Variants in SNX4 observed in about 807,000 individuals in gnomAD.
SNX4 encodes sorting nexin 4, also known as sorting nexin-4.
A neutral mutation model predicts 70.8 loss-of-function variants in SNX4; 49 were observed. That is an observed-to-expected ratio of 0.69 (90% confidence interval 0.55 to 0.88). The LOEUF (loss-of-function observed/expected upper bound fraction) is 0.88. SNX4 is among the 40% of genes least tolerant of loss of function. The pLI is 0.00. For missense variants in SNX4, 528 were observed against 544.8 expected (o/e 0.97, Z 0.31); for synonymous variants, 206 against 183.8 (o/e 1.12, Z -0.98).
chr3:125,499,785 G>T (rs903176735), intron 2 of SNX4, among the ~76,000 whole-genome samples: 1 of 146,246 alleles, frequency 6.8e-6, no homozygotes, highest in African/African-American at 2.5e-5. Context: ...AAAAAAAAAC[G>T]CGGTTGGATG....
chr3:125,497,125 G>C (rs998515629), intron 5 of SNX4, among the ~76,000 whole-genome samples: 1 of 149,530 alleles, frequency 6.7e-6, no homozygotes, highest in Non-Finnish European at 1.5e-5. Context: ...TTCTTTCCCT[G>C]TAGAATAAAT....
At chr3:125,464,052 A>G (rs1280950202) in intron 9 of SNX4, among the ~76,000 whole-genome samples, 3 of 152,174 alleles carry the variant, frequency 2.0e-5, no homozygotes, top group Non-Finnish European at 4.4e-5. Context: ...AATTTATATT[A>G]AAATTTTAAA....
Position 125,480,277 on chromosome 3 carries a change from A to T in SNX4, c.696T>A (p.Ser232=), listed in dbSNP as rs1201090676. 6.4e-7 allele frequency: 1 copy of T among 1,570,112 alleles called. No individual in the cohort carries two copies. The highest frequency in any genetic ancestry group is 8.7e-7 in the Non-Finnish European group (1 of 1,155,828). ...DLKHYSDELQ[S]VISHLLRVRA... The stretch of plus-strand genomic sequence containing the variant: ...TGACTCGAAGAAGATGTGAGATGAC[A>T]GACTGCAGTTCATCACTATAGTGCT... Residue 232 remains serine, a synonymous_variant, in exon 7 of 14, where the codon TCT becomes TCA. Transcript: ENST00000251775.
intron 6 of SNX4, among the ~76,000 whole-genome samples, chr3:125,484,936 G>C (rs1934488406): frequency 6.6e-6 from 1 of 151,984 alleles, no homozygotes; most frequent in Non-Finnish European, 1.5e-5. Context: ...CGTGGTGGTG[G>C]GCGCCTGTAA....
At chr3:125,493,588 A>C (rs1934709768) in intron 5 of SNX4, among the ~76,000 whole-genome samples, 1 of 149,808 alleles carries the variant, frequency 6.7e-6, no homozygotes, top group Non-Finnish European at 1.5e-5. Context: ...GGGGAGGTGG[A>C]GCTTGCAGTG....
At chr3:125,513,445 T>G (rs1461970710) in intron 1 of SNX4, among the ~76,000 whole-genome samples, 1 of 152,228 alleles carries the variant, frequency 6.6e-6, no homozygotes, top group Non-Finnish European at 1.5e-5. Context: ...GAACATTTAA[T>G]GGGTTAATGC....
intron 1 of SNX4, among the ~76,000 whole-genome samples, chr3:125,505,210 T>G (rs1935021471): frequency 6.6e-6 from 1 of 152,212 alleles, no homozygotes; most frequent in African/African-American, 2.4e-5. Flanking sequence ...CCTCAGGTGT[T>G]CCACCTGCCT....
chr3:125,504,649 T>C lies in SNX4; in HGVS notation c.237A>G (p.Thr79=), dbSNP rs1399995635. The stretch of plus-strand genomic sequence containing the variant: ...TTGTTTCAATGAGGTAAGCAGTATA[T>C]GTTTCTTGCATGTTCATGGCATTTC... ...TGRNAMNMQE[T]YTAYLIETRS... Residue 79 remains threonine (T), a synonymous_variant, in exon 2 of 14, where the codon ACA becomes ACG. Transcript: ENST00000251775. 6.2e-7 allele frequency: 1 copy of C among 1,614,122 alleles called. No individual in the cohort carries two copies.
chr3:125,508,188 T>C (rs1935091682), intron 1 of SNX4, among the ~76,000 whole-genome samples: 1 of 152,210 alleles, frequency 6.6e-6, no homozygotes, highest in Non-Finnish European at 1.5e-5. Context: ...ATGACATTCT[T>C]TGACATTCTT....
chr3:125,492,139 T>C (rs1223496638), intron 5 of SNX4, among the ~76,000 whole-genome samples: 1 of 124,220 alleles, frequency 8.1e-6, no homozygotes, highest in African/African-American at 3.1e-5. Context: ...AAAAAGAATA[T>C]AAGAGCCATA....
intron 5 of SNX4, among the ~76,000 whole-genome samples, chr3:125,496,286 T>TG (rs1934792721): frequency 6.6e-6 from 1 of 152,152 alleles, no homozygotes. Flanking sequence ...AGAGCAAGAC[T>TG]CTGTCTCAAA....
intron 5 of SNX4, among the ~76,000 whole-genome samples, chr3:125,491,192 T>A (rs1934652387): frequency 2.0e-5 from 3 of 152,288 alleles, no homozygotes; most frequent in Middle Eastern, 6.8e-3. Context: ...AAATTCTGGA[T>A]CCTTCTTACA....
chr3:125,519,377 G>A (rs1312788124), intron 1 of SNX4, among the ~76,000 whole-genome samples: 1 of 152,080 alleles, frequency 6.6e-6, no homozygotes, highest in East Asian at 1.9e-4. Flanking sequence ...TTATCAATAA[G>A]TCTCCAATGG....
At chr3:125,494,188 G>C (rs1934730087) in intron 5 of SNX4, among the ~76,000 whole-genome samples, 1 of 152,002 alleles carries the variant, frequency 6.6e-6, no homozygotes, top group Non-Finnish European at 1.5e-5. Flanking sequence ...ATGACTATTT[G>C]GTCTCATTCA....
intron 11 of SNX4, among the ~76,000 whole-genome samples, chr3:125,454,186 T>C (rs1384934350): frequency 6.6e-6 from 1 of 152,166 alleles, no homozygotes; most frequent in Non-Finnish European, 1.5e-5. Flanking sequence ...GTATTAATAA[T>C]CTAGAGATAA....
intron 1 of SNX4, among the ~76,000 whole-genome samples, chr3:125,517,705 G>T (rs1935312186): frequency 6.6e-6 from 1 of 152,254 alleles, no homozygotes; most frequent in Non-Finnish European, 1.5e-5. Flanking sequence ...GCCGAGGGCA[G>T]TGGCTCATGT....
intron 11 of SNX4, among the ~76,000 whole-genome samples, chr3:125,454,829 T>C (rs1262438180): frequency 2.6e-5 from 4 of 152,228 alleles, no homozygotes; most frequent in African/African-American, 9.6e-5. Flanking sequence ...ATCTCTTATA[T>C]GAGTTTTTAT....
intron 5 of SNX4, 81 bp from the exon 6 acceptor site, chr3:125,489,544 T>A: frequency 1.8e-6 from 2 of 1,097,636 alleles, no homozygotes; most frequent in Non-Finnish European, 2.7e-6. Flanking sequence ...CCTTTAGAAT[T>A]AAGATGCTCA....
chr3:125,486,854 C>G (rs918529511), intron 6 of SNX4, among the ~76,000 whole-genome samples: 1 of 152,058 alleles, frequency 6.6e-6, no homozygotes, highest in Non-Finnish European at 1.5e-5. Flanking sequence ...AGTTCCAGAC[C>G]AGCCTGAGCA....
Sources: allele counts gnomAD v4.1 joint callset (sites outside exome capture counted in the v4.1 genomes callset), GRCh38; gene constraint gnomAD v4.1.1; transcripts MANE v1.5; gene names NCBI Gene and HGNC (gene_info 2026-07-23, HGNC 2026-07-21).